Variants in LHFPL3 observed in about 807,000 individuals in gnomAD.
LHFPL3 encodes LHFPL tetraspan subfamily member 3 protein.
Under a neutral mutation model 19.3 loss-of-function variants are expected in LHFPL3, and 5 were observed. The observed-to-expected ratio is 0.26, with a 90% CI of 0.14 to 0.54. The LOEUF (loss-of-function observed/expected upper bound fraction) is 0.54. Among genes scored for constraint, LHFPL3 ranks in the 20% least tolerant of loss-of-function variants. The pLI, the probability that LHFPL3 is intolerant of heterozygous loss-of-function variation, is 0.94. For synonymous variants in LHFPL3, 133 were observed against 126.2 expected, an observed-to-expected ratio of 1.05 and a Z score of -0.36; for missense variants, 249 against 307.4, an observed-to-expected ratio of 0.81 and a Z score of 1.42.
rs1438323671 is a variant in LHFPL3 at position 104,798,227 on chromosome 7, T to G, written c.682+61316T>G. On this transcript the variant is annotated intron_variant, in intron 2 of 2. Coordinates refer to ENST00000424859, the MANE Select transcript of LHFPL3 (RefSeq NM_199000.3). ...AAAAAGATTATTCGTAATTTGTCTC[T>G]TAAATAATCTAGACACATGCCTGGC... 2.6e-5 allele frequency: 4 copies of G among 152,252 alleles called. No individual in the cohort carries two copies. In the East Asian group the frequency reaches 7.7e-4, roughly 29 times the overall value. 9.4% of individuals were successfully genotyped at this position (152,252 alleles called of 1,614,324 possible). A position where few individuals can be genotyped will look rare whatever the true frequency, so the allele number is the denominator to read the frequency against.
chr7:104,863,876 A>G (rs1310056518), intron 2 of LHFPL3, among the ~76,000 whole-genome samples: 3 of 152,232 alleles, frequency 2.0e-5, no homozygotes, highest in Admixed American at 6.5e-5. Flanking sequence ...TCAGTTGTTC[A>G]CAGTAGGCTA....
intron 1 of LHFPL3, among the ~76,000 whole-genome samples, chr7:104,404,886 T>C (rs1422456429): frequency 6.6e-6 from 1 of 152,176 alleles, no homozygotes; most frequent in East Asian, 1.9e-4. Flanking sequence ...GGTCAAGTAA[T>C]TATCCATGTA....
At chr7:104,617,036 C>T (rs1398518718) in intron 1 of LHFPL3, among the ~76,000 whole-genome samples, 2 of 152,170 alleles carry the variant, frequency 1.3e-5, no homozygotes, top group South Asian at 2.1e-4. Flanking sequence ...AATAGGAACA[C>T]TTTTACACTG....
intron 1 of LHFPL3, among the ~76,000 whole-genome samples, chr7:104,553,046 T>C (rs752992381): frequency 1.1e-4 from 16 of 152,222 alleles, no homozygotes; most frequent in Non-Finnish European, 2.1e-4. Flanking sequence ...TGCTGCCTCA[T>C]TGATAACATG....
At chr7:104,549,301 A>AAC (rs1562931378) in intron 1 of LHFPL3, among the ~76,000 whole-genome samples, 1 of 149,080 alleles carries the variant, frequency 6.7e-6, no homozygotes, top group South Asian at 2.1e-4. Context: ...ACAATCTGAG[A>AAC]ATATATATAT....
At chr7:104,753,226 C>G (rs181718879) in intron 2 of LHFPL3, among the ~76,000 whole-genome samples, 72 of 152,232 alleles carry the variant, frequency 4.7e-4, no homozygotes, top group African/African-American at 1.7e-3. Context: ...ATCCTGGCAA[C>G]CTTGAATGCA....
intron 2 of LHFPL3, among the ~76,000 whole-genome samples, chr7:104,871,629 A>G (rs995888769): frequency 2.0e-5 from 3 of 152,198 alleles, no homozygotes; most frequent in Non-Finnish European, 2.9e-5. Context: ...CACTTAGTGT[A>G]AAACACACAC....
intron 1 of LHFPL3, among the ~76,000 whole-genome samples, chr7:104,554,658 GA>G (rs1794726204): frequency 1.3e-5 from 2 of 150,290 alleles, no homozygotes; most frequent in Non-Finnish European, 2.9e-5. Flanking sequence ...TAGATAGATA[GA>G]TAGATAGATA....
intron 1 of LHFPL3, among the ~76,000 whole-genome samples, chr7:104,630,576 T>C (rs1791622362): frequency 6.6e-6 from 1 of 152,172 alleles, no homozygotes. Context: ...CTTAGCACCA[T>C]GTGATCCAAG....
At chr7:104,770,914 C>T (rs139607881) in intron 2 of LHFPL3, among the ~76,000 whole-genome samples, 1 of 152,240 alleles carries the variant, frequency 6.6e-6, no homozygotes, top group Non-Finnish European at 1.5e-5. Flanking sequence ...CCGTCATCCC[C>T]TGTAGCATGT....
At chr7:104,509,042 T>C (rs1793759954) in intron 1 of LHFPL3, among the ~76,000 whole-genome samples, 1 of 151,730 alleles carries the variant, frequency 6.6e-6, no homozygotes, top group South Asian at 2.1e-4. Flanking sequence ...TGACCACAAC[T>C]CAAGCAATAT....
At chr7:104,893,645 A>C (rs545480590) in intron 2 of LHFPL3, among the ~76,000 whole-genome samples, 1 of 152,274 alleles carries the variant, frequency 6.6e-6, no homozygotes, top group East Asian at 1.9e-4. Flanking sequence ...AGCATTTACA[A>C]ACATTTATTA....
chr7:104,376,865 C>CT (rs1458308504), intron 1 of LHFPL3, among the ~76,000 whole-genome samples: 6 of 152,050 alleles, frequency 3.9e-5, no homozygotes, highest in African/African-American at 1.4e-4. Context: ...AATAATGTAG[C>CT]TTTTTTTCCT....
At chr7:104,637,539 T>A (rs1343794023) in intron 1 of LHFPL3, among the ~76,000 whole-genome samples, 1 of 152,210 alleles carries the variant, frequency 6.6e-6, no homozygotes, top group Non-Finnish European at 1.5e-5. Context: ...CTTTAATCCA[T>A]CTTGTGTTGA....
At chr7:104,469,161 A>G (rs529842231) in intron 1 of LHFPL3, among the ~76,000 whole-genome samples, 6 of 152,270 alleles carry the variant, frequency 3.9e-5, no homozygotes, top group South Asian at 2.1e-4. Flanking sequence ...TCTCTGATTT[A>G]TTTCTGAACT....
At chr7:104,755,360 A>G (rs1290842181) in intron 2 of LHFPL3, among the ~76,000 whole-genome samples, 3 of 152,186 alleles carry the variant, frequency 2.0e-5, no homozygotes, top group Non-Finnish European at 4.4e-5. Context: ...GGACATGGGT[A>G]CTGGGAAGGG....
chr7:104,671,009 T>C lies in LHFPL3; in HGVS notation c.446-65666T>C, dbSNP rs554248953. Reference sequence around the variant, plus strand: ...TTGTAGGGATCAGCTTGGTAGACAGTATTAGCAGAGAAACACCTTGATCTT... The same window carrying C: ...TTGTAGGGATCAGCTTGGTAGACAGCATTAGCAGAGAAACACCTTGATCTT... On this transcript the variant is annotated intron_variant, in intron 1 of 2. Coordinates refer to ENST00000424859, the MANE Select transcript of LHFPL3 (RefSeq NM_199000.3). Among the ~76,000 whole-genome samples the C allele has an allele frequency of 7.2e-5, 11 of 152,266 alleles. No individual in the cohort carries two copies. In the East Asian group the frequency reaches 2.1e-3, roughly 29 times the overall value.
chr7:104,340,694 A>G (rs1789929944), intron 1 of LHFPL3, among the ~76,000 whole-genome samples: 1 of 152,184 alleles, frequency 6.6e-6, no homozygotes, highest in African/African-American at 2.4e-5. Context: ...TTTTTAGTAA[A>G]CTGCATGGTG....
At chr7:104,440,036 G>T (rs1044422452) in intron 1 of LHFPL3, among the ~76,000 whole-genome samples, 2 of 72,968 alleles carry the variant, frequency 2.7e-5, no homozygotes, top group Non-Finnish European at 5.5e-5. Flanking sequence ...TACAAAGCCT[G>T]GGGGGGGGGA....
Sources: allele counts gnomAD v4.1 joint callset (sites outside exome capture counted in the v4.1 genomes callset), GRCh38; gene constraint gnomAD v4.1.1; transcripts MANE v1.5; gene names NCBI Gene and HGNC (gene_info 2026-07-23, HGNC 2026-07-21).